MRTFA: variants seen among roughly 807,000 people sequenced by gnomAD.
MRTFA encodes myocardin related transcription factor A.
A neutral mutation model predicts 83.5 loss-of-function variants in MRTFA; 20 were observed. That is an observed-to-expected ratio of 0.24 (90% confidence interval 0.17 to 0.35). The LOEUF (loss-of-function observed/expected upper bound fraction) is 0.35. Ranked by LOEUF, MRTFA falls within the 10% of genes least tolerant of loss-of-function variation. The pLI, the probability that MRTFA is intolerant of heterozygous loss-of-function variation, is 1.00. For missense variants in MRTFA, 1,200 were observed against 1,224.7 expected, an observed-to-expected ratio of 0.98 and a Z score of 0.30; for synonymous variants, 659 against 541.2, an observed-to-expected ratio of 1.22 and a Z score of -3.02.
chr22:40,534,611 C>T (rs949130452), intron 3 of MRTFA, among the ~76,000 whole-genome samples: 3 of 152,190 alleles, frequency 2.0e-5, no homozygotes, highest in East Asian at 3.8e-4. Flanking sequence ...TAGGCTCAAG[C>T]GATCTGCCCA....
chr22:40,484,881 G>A (rs2054149519), intron 3 of MRTFA, among the ~76,000 whole-genome samples: 1 of 151,790 alleles, frequency 6.6e-6, no homozygotes, highest in Admixed American at 6.6e-5. Context: ...GACCATCCTG[G>A]CCAACATGGT....
At chr22:40,536,343 G>C (rs973391809) in intron 3 of MRTFA, among the ~76,000 whole-genome samples, 2 of 150,762 alleles carry the variant, frequency 1.3e-5, no homozygotes, top group African/African-American at 4.9e-5. Flanking sequence ...CCGCCCGACC[G>C]CCGGGAGGAT....
chr22:40,575,705 A>C (rs949569503), intron 2 of MRTFA, among the ~76,000 whole-genome samples: 8 of 152,224 alleles, frequency 5.3e-5, no homozygotes, highest in Non-Finnish European at 1.0e-4. Flanking sequence ...CTGATTTTAC[A>C]AGCCAACACC....
intron 12 of MRTFA, 150 bp downstream of exon 12, chr22:40,418,224 T>G: frequency 3.5e-6 from 5 of 1,422,152 alleles, no homozygotes; most frequent in Non-Finnish European, 4.6e-6. Flanking sequence ...TTAACTTTCC[T>G]AAGTCTCAGT....
chr22:40,410,349 G>A lies in MRTFA; in HGVS notation c.*1041C>T, dbSNP rs1244706012. 3.4e-6 allele frequency: 1 copy of A among 292,298 alleles called. No homozygotes were observed. The highest frequency in any genetic ancestry group is 5.8e-6 in the Non-Finnish European group (1 of 172,398). The allele number at this position is 292,298 out of a possible 1,614,324, so 18.1% of individuals were successfully genotyped here. ...CCTTCCCCATCTTTGTCCCAGCACT[G>A]GTTTTGGTGACTCCACCCCTACTCC... On this transcript the variant is annotated 3_prime_UTR_variant, in exon 15 of 15. Transcript: ENST00000355630.
At chr22:40,513,700 C>T (rs1250733500) in intron 3 of MRTFA, among the ~76,000 whole-genome samples, 2 of 151,204 alleles carry the variant, frequency 1.3e-5, no homozygotes, top group Non-Finnish European at 2.9e-5. Flanking sequence ...ACAATGATCT[C>T]CAAATCCTGA....
chr22:40,435,350 T>A (rs917685062), intron 5 of MRTFA, 149 bp downstream of exon 5: 53 of 781,576 alleles, frequency 6.8e-5, no homozygotes, highest in Non-Finnish European at 1.1e-4. Flanking sequence ...GCTTTCCATT[T>A]AAAACCACAA....
chr22:40,417,243 C>T (rs527531429), intron 13 of MRTFA, 98 bp downstream of exon 13: 174 of 1,507,258 alleles, frequency 1.2e-4, no homozygotes, highest in East Asian at 6.7e-4. Flanking sequence ...AGCTGGGCTT[C>T]GCCTGCCCCC....
At position 40,444,003 on chromosome 22, in the gene MRTFA, G is replaced by T. The variant is rs2053330670; in HGVS notation, c.308-8449C>A. Among the ~76,000 whole-genome samples, 3 of 152,182 alleles carry T rather than the reference G, an allele frequency of 2.0e-5. 1 individual carries two copies. In the South Asian group the frequency reaches 6.2e-4, roughly 32 times the overall value. On this transcript the variant is annotated intron_variant, in intron 4 of 14. Coordinates refer to ENST00000355630, the MANE Select transcript of MRTFA (RefSeq NM_020831.6). Reference sequence around the variant, plus strand: ...CTGGAACTCTCGCCCCGAATGAGAAGTCCCTCTCCTACCACCAACTCAGAT... The same window carrying T: ...CTGGAACTCTCGCCCCGAATGAGAATTCCCTCTCCTACCACCAACTCAGAT...
chr22:40,586,717 T>A (rs2056033973), intron 2 of MRTFA: 1 of 271,206 alleles, frequency 3.7e-6, no homozygotes, highest in African/African-American at 2.3e-5. Flanking sequence ...GCAGGCTTCG[T>A]TTCCTCTGTG....
chr22:40,484,836 G>A (rs2147190953), intron 3 of MRTFA, among the ~76,000 whole-genome samples: 1 of 152,116 alleles, frequency 6.6e-6, no homozygotes, highest in East Asian at 1.9e-4. Context: ...ACTTTAGGAG[G>A]CCGACGCAGG....
chr22:40,622,138 T>C (rs566937689), intron 1 of MRTFA, among the ~76,000 whole-genome samples: 1 of 152,248 alleles, frequency 6.6e-6, no homozygotes, highest in East Asian at 1.9e-4. Context: ...TCTGTGAATG[T>C]TACCTTTTAC....
intron 1 of MRTFA, among the ~76,000 whole-genome samples, chr22:40,628,090 G>A (rs984242966): frequency 1.2e-4 from 18 of 152,176 alleles, no homozygotes; most frequent in African/African-American, 4.3e-4. Flanking sequence ...TTCATATGAG[G>A]ATTAATAAGG....
intron 2 of MRTFA, among the ~76,000 whole-genome samples, chr22:40,573,230 T>G (rs1321923079): frequency 6.6e-6 from 1 of 152,154 alleles, no homozygotes; most frequent in East Asian, 1.9e-4. Context: ...TGGAAACCAC[T>G]GAATTGTATT....
Position 40,420,399 on chromosome 22 carries a change from A to G in MRTFA, c.1353+6T>C. On this transcript the variant is annotated splice_donor_region_variant and intron_variant, in intron 11 of 14. Transcript: ENST00000355630. ...CAGTGGCTCAAGTTTTCCAGTGGCC[A>G]TGTACCTTCATGTCGTCCAGGTTGG... is the stretch of plus-strand genomic sequence containing the variant. The G allele has an allele frequency of 6.2e-7, 1 of 1,612,246 alleles. No individual in the cohort carries two copies. Among genetic ancestry groups the G allele is most frequent in the East Asian group, 2.2e-5 (1 of 44,872 alleles).
At chr22:40,504,471 A>C (rs987911551) in intron 3 of MRTFA, among the ~76,000 whole-genome samples, 1 of 152,248 alleles carries the variant, frequency 6.6e-6, no homozygotes, top group African/African-American at 2.4e-5. Flanking sequence ...TCAGTACATC[A>C]CATCAGCCTT....
intron 4 of MRTFA, among the ~76,000 whole-genome samples, chr22:40,449,036 C>T (rs563170689): frequency 1.3e-5 from 2 of 152,190 alleles, no homozygotes; most frequent in African/African-American, 4.8e-5. Flanking sequence ...GAGGCCGAGG[C>T]GGGTGGATCA....
At chr22:40,535,076 T>C (rs1280989494) in intron 3 of MRTFA, among the ~76,000 whole-genome samples, 1 of 152,140 alleles carries the variant, frequency 6.6e-6, no homozygotes, top group Non-Finnish European at 1.5e-5. Flanking sequence ...AAGCTCTATA[T>C]AGAACTGTGG....
At chr22:40,523,193 T>A in intron 3 of MRTFA, among the ~76,000 whole-genome samples, 1 of 152,168 alleles carries the variant, frequency 6.6e-6, no homozygotes, top group Non-Finnish European at 1.5e-5. Flanking sequence ...AGGAGCAGGT[T>A]TTCTTTTTTG....
Sources: allele counts gnomAD v4.1 joint callset (sites outside exome capture counted in the v4.1 genomes callset), GRCh38; gene constraint gnomAD v4.1.1; transcripts MANE v1.5; gene names NCBI Gene and HGNC (gene_info 2026-07-23, HGNC 2026-07-21).